Variants in CCDC6 observed in about 807,000 individuals in gnomAD.
CCDC6 encodes coiled-coil domain-containing protein 6.
Under a neutral mutation model 56.6 loss-of-function variants are expected in CCDC6, and 20 were observed. The ratio of observed to expected loss-of-function variants is 0.35; its 90% CI spans 0.25 to 0.51. The LOEUF (loss-of-function observed/expected upper bound fraction) is 0.51. Among genes scored for constraint, CCDC6 ranks in the 20% least tolerant of loss-of-function variants. The pLI, the probability that CCDC6 is intolerant of heterozygous loss-of-function variation, is 0.95. For missense variants in CCDC6, 367 were observed against 601.1 expected (o/e 0.61, Z 4.07); for synonymous variants, 241 against 234.4 (o/e 1.03, Z -0.26).
At chr10:59,869,408 A>AC (rs2071207098) in intron 1 of CCDC6, among the ~76,000 whole-genome samples, 1 of 96,410 alleles carries the variant, frequency 1.0e-5, no homozygotes, top group Non-Finnish European at 2.0e-5. Flanking sequence ...AAAAAAAAAA[A>AC]AAAAAAAAAA....
intron 1 of CCDC6, among the ~76,000 whole-genome samples, chr10:59,882,859 C>A (rs577472843): frequency 6.6e-6 from 1 of 152,208 alleles, no homozygotes; most frequent in South Asian, 2.1e-4. Flanking sequence ...ACTCAGCAGG[C>A]TGAGGCAGGA....
chr10:59,800,311 C>T (rs1179716418), intron 7 of CCDC6, among the ~76,000 whole-genome samples: 3 of 152,240 alleles, frequency 2.0e-5, no homozygotes, highest in Non-Finnish European at 4.4e-5. Flanking sequence ...CCATCCTTAT[C>T]CTTCTACTAC....
intron 1 of CCDC6, among the ~76,000 whole-genome samples, chr10:59,902,923 A>C (rs146670560): frequency 6.6e-6 from 1 of 152,366 alleles, no homozygotes; most frequent in African/African-American, 2.4e-5. Context: ...GGTGGAAACA[A>C]CCAAGATGCC....
chr10:59,887,057 G>A (rs571346015), intron 1 of CCDC6, among the ~76,000 whole-genome samples: 3 of 152,170 alleles, frequency 2.0e-5, no homozygotes, highest in Admixed American at 1.3e-4. Context: ...ACATCTATTC[G>A]AATTACACAT....
At chr10:59,850,916 G>A (rs1321267059) in intron 2 of CCDC6, among the ~76,000 whole-genome samples, 3 of 150,608 alleles carry the variant, frequency 2.0e-5, no homozygotes, top group East Asian at 1.9e-4. Flanking sequence ...TCATTCTTAT[G>A]TTCTTATGTT....
chr10:59,857,079 G>A (rs549714417), intron 1 of CCDC6, among the ~76,000 whole-genome samples: 23 of 152,148 alleles, frequency 1.5e-4, no homozygotes, highest in African/African-American at 1.9e-4. Flanking sequence ...GCCCCTCACC[G>A]AGCAGTAATC....
intron 1 of CCDC6, among the ~76,000 whole-genome samples, chr10:59,875,663 T>G (rs3793875): frequency 6.6e-6 from 1 of 152,146 alleles, no homozygotes; most frequent in African/African-American, 2.4e-5. Flanking sequence ...CATGGCAAAG[T>G]TTGAGTTAGT....
intron 1 of CCDC6, among the ~76,000 whole-genome samples, chr10:59,894,180 C>A (rs987631531): frequency 2.0e-5 from 3 of 152,200 alleles, no homozygotes; most frequent in Admixed American, 6.5e-5. Flanking sequence ...CACTGAGTAG[C>A]CAGAGTGGAT....
intron 1 of CCDC6, among the ~76,000 whole-genome samples, chr10:59,885,567 T>C (rs2071375402): frequency 6.6e-6 from 1 of 152,182 alleles, no homozygotes; most frequent in African/African-American, 2.4e-5. Flanking sequence ...CTATCAGACC[T>C]GGCCCCACCT....
At chr10:59,866,598 C>T (rs774302265) in intron 1 of CCDC6, among the ~76,000 whole-genome samples, 10 of 152,216 alleles carry the variant, frequency 6.6e-5, no homozygotes, top group Non-Finnish European at 1.3e-4. Context: ...CATCCATACA[C>T]TGACTCCACA....
intron 1 of CCDC6, among the ~76,000 whole-genome samples, chr10:59,858,897 A>ACTGTCAGACTTGACTCACACTGC (rs1213035627): frequency 3.3e-5 from 5 of 152,196 alleles, no homozygotes; most frequent in Non-Finnish European, 7.3e-5. Flanking sequence ...GTTTATAGAC[A>ACTGTCAGACTTGACTCACACTGC]CTGTCAGACT....
At chr10:59,816,844 A>G (rs931436545) in intron 3 of CCDC6, among the ~76,000 whole-genome samples, 1 of 152,148 alleles carries the variant, frequency 6.6e-6, no homozygotes, top group Admixed American at 6.5e-5. Flanking sequence ...GGCCATCAAT[A>G]TATATTAGAG....
intron 7 of CCDC6, among the ~76,000 whole-genome samples, chr10:59,803,086 G>C (rs2070591048): frequency 6.6e-6 from 1 of 152,192 alleles, no homozygotes; most frequent in Non-Finnish European, 1.5e-5. Flanking sequence ...GCAGCTAGAA[G>C]AGAAGCTTCT....
intron 1 of CCDC6, among the ~76,000 whole-genome samples, chr10:59,872,836 G>T (rs1287015675): frequency 1.3e-5 from 2 of 151,418 alleles, no homozygotes; most frequent in Admixed American, 1.3e-4. Context: ...ACTCTTCCCT[G>T]CTAGAACTTC....
chr10:59,890,651 A>C (rs2071415043), intron 1 of CCDC6, among the ~76,000 whole-genome samples: 1 of 152,202 alleles, frequency 6.6e-6, no homozygotes, highest in African/African-American at 2.4e-5. Context: ...CTTAGAGGTT[A>C]GCTAAATTGC....
intron 2 of CCDC6, among the ~76,000 whole-genome samples, chr10:59,849,370 G>T (rs2071019519): frequency 6.6e-6 from 1 of 152,146 alleles, no homozygotes; most frequent in Non-Finnish European, 1.5e-5. Context: ...CACATATGGA[G>T]GTGTTTAAGC....
rs533635445 is a variant in CCDC6 at position 59,816,852 on chromosome 10, G to A, written c.583-2097C>T. On this transcript the variant is annotated intron_variant, in intron 3 of 8. Coordinates refer to ENST00000263102, the MANE Select transcript of CCDC6 (RefSeq NM_005436.5). Reference sequence around the variant, plus strand: ...CCTTATAGGCCATCAATATATATTAGAGGGCTTATTTGACAAGTGAATAAG... The same window carrying A: ...CCTTATAGGCCATCAATATATATTAAAGGGCTTATTTGACAAGTGAATAAG... Among the ~76,000 whole-genome samples, 12 of 152,204 alleles carry A rather than the reference G, an allele frequency of 7.9e-5. No individual in the cohort carries two copies. The South Asian group carries it at 1.0e-3, about 13-fold the overall frequency.
At position 59,789,582 on chromosome 10, in the gene CCDC6, T is replaced by A. The variant is rs2070450319; in HGVS notation, c.*3335A>T. ...ATCAATGGCTGGCTCTTTAACAATTTGGAAATAAAAGGTTGTTTTACTATG... is the reference window on the plus strand; with the variant it reads ...ATCAATGGCTGGCTCTTTAACAATTAGGAAATAAAAGGTTGTTTTACTATG... On this transcript the variant is annotated 3_prime_UTR_variant, in exon 9 of 9. Transcript: ENST00000263102. 8.6e-6 allele frequency: 2 copies of A among 232,134 alleles called. No individual in the cohort carries two copies. The highest frequency in any genetic ancestry group is 1.2e-4 in the East Asian group (2 of 16,388). The allele number at this position is 232,134 out of a possible 1,614,324, so 14.4% of individuals were successfully genotyped here.
intron 1 of CCDC6, among the ~76,000 whole-genome samples, chr10:59,861,021 C>T (rs2071123207): frequency 6.6e-6 from 1 of 151,910 alleles, no homozygotes; most frequent in South Asian, 2.1e-4. Context: ...ATGGTGAAAC[C>T]CCGTCTCTAC....
Sources: allele counts gnomAD v4.1 joint callset (sites outside exome capture counted in the v4.1 genomes callset), GRCh38; gene constraint gnomAD v4.1.1; transcripts MANE v1.5; gene names NCBI Gene and HGNC (gene_info 2026-07-23, HGNC 2026-07-21).